Variants in LUZP2 observed in about 807,000 individuals in gnomAD.
LUZP2 encodes leucine zipper protein 2.
Under a neutral mutation model 51.6 loss-of-function variants are expected in LUZP2, and 52 were observed. The observed-to-expected ratio is 1.01, with a 90% confidence interval of 0.81 to 1.27. The LOEUF (loss-of-function observed/expected upper bound fraction) is 1.27, where lower values mean the gene tolerates loss of function less well. Among genes scored for constraint, LUZP2 ranks in the 50% most tolerant of loss-of-function variants. LUZP2 has a pLI of 0.00. For missense variants in LUZP2, 436 were observed against 395.4 expected (o/e 1.10, Z -0.87); for synonymous variants, 154 against 137.3 (o/e 1.12, Z -0.85).
chr11:24,913,132 A>G (rs1252909481), intron 6 of LUZP2, among the ~76,000 whole-genome samples: 1 of 152,314 alleles, frequency 6.6e-6, no homozygotes, highest in South Asian at 2.1e-4. Context: ...TTCAAAACAT[A>G]GAATTTTTTC....
chr11:24,788,482 C>T (rs1273618810), intron 5 of LUZP2, among the ~76,000 whole-genome samples: 1 of 152,098 alleles, frequency 6.6e-6, no homozygotes, highest in Non-Finnish European at 1.5e-5. Context: ...GCCACTGTGC[C>T]CAGCCCAGAT....
intron 6 of LUZP2, among the ~76,000 whole-genome samples, chr11:24,908,274 C>A (rs963565872): frequency 6.6e-6 from 1 of 152,082 alleles, no homozygotes; most frequent in Non-Finnish European, 1.5e-5. Context: ...ACTATAAACA[C>A]CATCTACCAA....
chr11:24,564,884 G>A (rs1002128917), intron 1 of LUZP2, among the ~76,000 whole-genome samples: 12 of 152,168 alleles, frequency 7.9e-5, no homozygotes, highest in Admixed American at 7.2e-4. Context: ...GTTTGAAAAA[G>A]TATATGTTTG....
intron 5 of LUZP2, among the ~76,000 whole-genome samples, chr11:24,835,806 C>A (rs558431893): frequency 2.6e-5 from 4 of 151,876 alleles, no homozygotes; most frequent in Non-Finnish European, 5.9e-5. Context: ...AACATAAATT[C>A]TTATAATATT....
intron 1 of LUZP2, among the ~76,000 whole-genome samples, chr11:24,704,953 C>T (rs1356487090): frequency 6.6e-6 from 1 of 152,152 alleles, no homozygotes; most frequent in Non-Finnish European, 1.5e-5. Flanking sequence ...TGGGCTCATA[C>T]ATCTTTAGAA....
chr11:25,008,377 G>A (rs555061903), intron 9 of LUZP2, among the ~76,000 whole-genome samples: 8 of 152,320 alleles, frequency 5.3e-5, no homozygotes, highest in Non-Finnish European at 1.0e-4. Context: ...CCCAAGGCCT[G>A]AGCCCAACAC....
intron 1 of LUZP2, among the ~76,000 whole-genome samples, chr11:24,545,106 G>A (rs989576590): frequency 3.3e-5 from 5 of 149,690 alleles, no homozygotes; most frequent in Non-Finnish European, 7.5e-5. Flanking sequence ...GTCTGTTCAT[G>A]TCCTTTGCCC....
intron 1 of LUZP2, among the ~76,000 whole-genome samples, chr11:24,523,324 G>A (rs1850701788): frequency 6.6e-6 from 1 of 150,864 alleles, no homozygotes; most frequent in South Asian, 2.1e-4. Flanking sequence ...AATATTTATA[G>A]ACAATGTAGA....
rs1202689492 is a variant in LUZP2, at chr11:24,805,991, G to T, written c.396+42683G>T. ...AGTGTGTCTTGGCAGAAAGCCTGTT[G>T]CAAAGAAATGTAGGAGCTAGATGTT... On this transcript the variant is annotated intron_variant, in intron 5 of 11. Coordinates refer to ENST00000336930, the MANE Select transcript of LUZP2 (RefSeq NM_001009909.4). Among the ~76,000 whole-genome samples, 9 of 152,270 alleles carry T rather than the reference G, an allele frequency of 5.9e-5. No individual in the cohort carries two copies. In the East Asian group the frequency reaches 1.5e-3, roughly 26 times the overall value.
At chr11:24,711,508 G>T (rs74578985) in intron 1 of LUZP2, among the ~76,000 whole-genome samples, 1 of 149,992 alleles carries the variant, frequency 6.7e-6, no homozygotes, top group Non-Finnish European at 1.5e-5. Context: ...TTCTTTTGTA[G>T]GTATAGACAT....
At position 24,729,158 on chromosome 11, in the gene LUZP2, T is replaced by C. The variant is rs759687073; in HGVS notation, c.63-11T>C. ...TTTGGGGGGCTCTCATGCCTGTTCT[T>C]TCTGTGTTAGACAGGACTATGAAGA... On this transcript the variant is annotated splice_polypyrimidine_tract_variant and intron_variant, in intron 1 of 11. Transcript: ENST00000336930. 1 of 1,448,004 alleles carries C rather than the reference T, an allele frequency of 6.9e-7. No individual in the cohort carries two copies. Among genetic ancestry groups the C allele is most frequent in the Admixed American group, 2.1e-5 (1 of 48,592 alleles). 89.7% of individuals were successfully genotyped at this position (1,448,004 alleles called of 1,614,324 possible). A position where few individuals can be genotyped will look rare whatever the true frequency, so the allele number is the denominator to read the frequency against.
chr11:24,937,749 A>G (rs1315565301), intron 7 of LUZP2, among the ~76,000 whole-genome samples: 1 of 151,742 alleles, frequency 6.6e-6, no homozygotes, highest in Non-Finnish European at 1.5e-5. Flanking sequence ...ACAATACAAA[A>G]AATTAGCCGG....
chr11:25,050,506 G>A (rs967524857), intron 10 of LUZP2, among the ~76,000 whole-genome samples: 4 of 151,848 alleles, frequency 2.6e-5, no homozygotes, highest in Admixed American at 6.6e-5. Context: ...GGGTTTCACC[G>A]TGTTAACCAG....
intron 5 of LUZP2, among the ~76,000 whole-genome samples, chr11:24,886,723 T>G (rs375976666): frequency 6.6e-6 from 1 of 152,160 alleles, no homozygotes; most frequent in Non-Finnish European, 1.5e-5. Context: ...AGTGAAAAAT[T>G]GTGCATCTAA....
chr11:25,024,205 C>T (rs543515689), intron 9 of LUZP2, among the ~76,000 whole-genome samples: 10 of 152,052 alleles, frequency 6.6e-5, no homozygotes, highest in East Asian at 3.9e-4. Flanking sequence ...CTTTCTGTCT[C>T]GTTGATCTGC....
intron 5 of LUZP2, among the ~76,000 whole-genome samples, chr11:24,854,264 T>C (rs754272979): frequency 1.3e-5 from 2 of 152,196 alleles, no homozygotes; most frequent in Non-Finnish European, 2.9e-5. Context: ...AGATGGAAGC[T>C]TTATCTATAA....
intron 1 of LUZP2, among the ~76,000 whole-genome samples, chr11:24,691,269 T>A (rs750601031): frequency 3.9e-5 from 6 of 152,000 alleles, no homozygotes; most frequent in Non-Finnish European, 7.4e-5. Context: ...GCAGAGAAAT[T>A]ACCTCACAAA....
chr11:24,640,370 G>A (rs1374940263), intron 1 of LUZP2, among the ~76,000 whole-genome samples: 1 of 151,858 alleles, frequency 6.6e-6, no homozygotes, highest in Non-Finnish European at 1.5e-5. Flanking sequence ...CTAATTGTGG[G>A]AAGCTGTGAA....
At chr11:24,794,910 T>C (rs1317478392) in intron 5 of LUZP2, among the ~76,000 whole-genome samples, 2 of 152,154 alleles carry the variant, frequency 1.3e-5, no homozygotes, top group Non-Finnish European at 2.9e-5. Context: ...TAGGATTTCA[T>C]GTGTAAGTGA....
Sources: gnomAD v4.1 joint callset for allele counts (sites outside exome capture counted in the v4.1 genomes callset) on GRCh38, gnomAD v4.1.1 for gene constraint, MANE v1.5 for transcripts, NCBI Gene and HGNC (gene_info 2026-07-23, HGNC 2026-07-21) for gene names.